DTNA: variants seen among roughly 807,000 people sequenced by gnomAD.
DTNA encodes the protein dystrobrevin alpha.
In DTNA, 43 loss-of-function variants were observed where a neutral mutation model predicts 100.7. The observed-to-expected ratio is 0.43, with a 90% CI of 0.33 to 0.55. The LOEUF is 0.55. DTNA is among the 20% of genes least tolerant of loss of function. DTNA has a pLI of 0.04. For synonymous variants in DTNA, 349 were observed against 347.9 expected (o/e 1.00, Z -0.04); for missense variants, 798 against 953.9 (o/e 0.84, Z 2.15).
chr18:34,711,703 A>G (rs972584549), intron 1 of DTNA, among the ~76,000 whole-genome samples: 5 of 152,176 alleles, frequency 3.3e-5, no homozygotes, highest in African/African-American at 1.2e-4. Context: ...AAATTTATTT[A>G]TGCTCTGTGA....
intron 1 of DTNA, among the ~76,000 whole-genome samples, chr18:34,559,350 GA>G (rs2046423240): frequency 6.6e-6 from 1 of 152,178 alleles, no homozygotes; most frequent in Non-Finnish European, 1.5e-5. Flanking sequence ...TAAGTGGGGG[GA>G]AAAATGAATA....
At chr18:34,768,927 G>C (rs2093626248) in intron 3 of DTNA, among the ~76,000 whole-genome samples, 1 of 152,186 alleles carries the variant, frequency 6.6e-6, no homozygotes, top group South Asian at 2.1e-4. Context: ...AGAGCTTCAG[G>C]GAGTCAGTGC....
At chr18:34,859,972 G>A (rs1306150994) in intron 16 of DTNA, among the ~76,000 whole-genome samples, 2 of 152,228 alleles carry the variant, frequency 1.3e-5, no homozygotes, top group Admixed American at 6.5e-5. Context: ...ACATTCCCTC[G>A]TATAAATATC....
intron 1 of DTNA, among the ~76,000 whole-genome samples, chr18:34,735,728 G>A (rs563264800): frequency 3.9e-5 from 6 of 152,180 alleles, no homozygotes; most frequent in Admixed American, 2.6e-4. Flanking sequence ...GGATGTACAG[G>A]TTTGTTACAT....
chr18:34,876,318 T>C (rs1330494089), intron 18 of DTNA, among the ~76,000 whole-genome samples: 1 of 152,190 alleles, frequency 6.6e-6, no homozygotes. Flanking sequence ...TGTTTGAATA[T>C]GGGTTTTAAG....
intron 2 of DTNA, among the ~76,000 whole-genome samples, chr18:34,759,620 G>T (rs2093008108): frequency 6.6e-6 from 1 of 152,216 alleles, no homozygotes; most frequent in Non-Finnish European, 1.5e-5. Flanking sequence ...TGTCAGCAGA[G>T]ACAGGACTTG....
chr18:34,734,717 G>T (rs1459874258), intron 1 of DTNA, among the ~76,000 whole-genome samples: 1 of 152,102 alleles, frequency 6.6e-6, no homozygotes, highest in Non-Finnish European at 1.5e-5. Context: ...GCTTCATTAT[G>T]TTCCTTTATT....
intron 1 of DTNA, among the ~76,000 whole-genome samples, chr18:34,731,276 G>A (rs1330704864): frequency 6.6e-6 from 1 of 151,850 alleles, no homozygotes; most frequent in Admixed American, 6.5e-5. Flanking sequence ...TCAGGAGATC[G>A]AGACCATCCT....
At chr18:34,877,621 C>A in intron 18 of DTNA, 98 bp from the exon 19 acceptor site, 1 of 1,074,690 alleles carries the variant, frequency 9.3e-7, no homozygotes. Context: ...TAGAAGTTTT[C>A]TTGCTTTAGG....
chr18:34,774,397 T>C (rs2093939870), intron 3 of DTNA, among the ~76,000 whole-genome samples: 1 of 152,330 alleles, frequency 6.6e-6, no homozygotes, highest in Non-Finnish European at 1.5e-5. Context: ...AGGACAGGGA[T>C]GGGAGAGCAG....
At chr18:34,582,316 C>T (rs929700548) in intron 1 of DTNA, among the ~76,000 whole-genome samples, 2 of 152,200 alleles carry the variant, frequency 1.3e-5, no homozygotes, top group Non-Finnish European at 2.9e-5. Context: ...ATACTAGAGG[C>T]AGGTTCACCT....
At chr18:34,775,361 C>G (rs963596723) in intron 3 of DTNA, among the ~76,000 whole-genome samples, 2 of 152,072 alleles carry the variant, frequency 1.3e-5, no homozygotes, top group African/African-American at 4.8e-5. Context: ...TGGTGGGCGC[C>G]AGTAGTCCCA....
intron 3 of DTNA, among the ~76,000 whole-genome samples, chr18:34,786,455 C>T (rs796634334): frequency 5.3e-5 from 8 of 152,256 alleles, no homozygotes; most frequent in African/African-American, 1.7e-4. Context: ...GAACTGAATG[C>T]ATTTTCAGGA....
At chr18:34,662,243 G>A (rs1253174749) in intron 1 of DTNA, among the ~76,000 whole-genome samples, 1 of 151,898 alleles carries the variant, frequency 6.6e-6, no homozygotes, top group Non-Finnish European at 1.5e-5. Context: ...CTTGGAGGCA[G>A]TAAAAAATAT....
At chr18:34,587,574 TA>T (rs2049270429) in intron 1 of DTNA, among the ~76,000 whole-genome samples, 1 of 152,138 alleles carries the variant, frequency 6.6e-6, no homozygotes, top group South Asian at 2.1e-4. Flanking sequence ...GTTCTGAACT[TA>T]AATGCATATC....
rs1346443225 is a variant in DTNA, at chr18:34,653,123, C to G, written c.-1-102853C>G. The stretch of plus-strand genomic sequence containing the variant: ...TAGTATGTTTTTACAGATTACACAT[C>G]TAAAATACTTGAAACTGTATCACCA... On this transcript the variant is annotated intron_variant, in intron 1 of 19. Transcript: ENST00000283365. 2.6e-5 allele frequency among the ~76,000 whole-genome samples: 4 copies of G among 152,070 alleles called. No homozygotes were observed. The East Asian group carries it at 7.7e-4, about 29-fold the overall frequency.
Position 34,848,349 on chromosome 18 carries a change from A to G in DTNA, c.1400A>G (p.Tyr467Cys), listed in dbSNP as rs763820587. 9.9e-6 allele frequency: 16 copies of G among 1,614,066 alleles called. 1 individual carries two copies. In the South Asian group the frequency reaches 1.6e-4, roughly 17 times the overall value. ...GAAGAACACAGGCTAATTGCCAGGT[A>G]TGCGGCAAGGCTGGCAGCAGAGTCC... is the stretch of plus-strand genomic sequence containing the variant. ...LDEEHRLIAR[Y>C]AARLAAESSS... Residue 467 changes from tyrosine to cysteine, a missense_variant, in exon 14 of 23, where the codon TAT becomes TGT. Around this residue, in one of 6 missense-constraint regions of DTNA, gnomAD observed 159 missense variants for 201.2 expected, o/e 0.79. Coordinates refer to ENST00000444659, the MANE Select transcript of DTNA (RefSeq NM_001386795.1).
chr18:34,552,774 T>C (rs906397540), intron 1 of DTNA, among the ~76,000 whole-genome samples: 1 of 150,628 alleles, frequency 6.6e-6, no homozygotes, highest in African/African-American at 2.5e-5. Context: ...ATCCAGTCTA[T>C]CATTGTTGGA....
At chr18:34,621,514 G>A (rs563908024) in intron 1 of DTNA, among the ~76,000 whole-genome samples, 10 of 152,222 alleles carry the variant, frequency 6.6e-5, no homozygotes, top group Admixed American at 2.0e-4. Context: ...AGAAAATTCT[G>A]TCATATGTAA....
Sources: gnomAD v4.1 joint callset for allele counts (sites outside exome capture counted in the v4.1 genomes callset) on GRCh38, gnomAD v4.1.1 for gene constraint, gnomAD v4.1.1 regional missense constraint, MANE v1.5 for transcripts, NCBI Gene and HGNC (gene_info 2026-07-23, HGNC 2026-07-21) for gene names.